Variants in CDH13 observed in about 807,000 individuals in gnomAD.
CDH13 encodes cadherin-13.
Under a neutral mutation model 63.8 loss-of-function variants are expected in CDH13, and 24 were observed. The ratio of observed to expected loss-of-function variants is 0.38; its 90% confidence interval spans 0.27 to 0.53. The LOEUF (loss-of-function observed/expected upper bound fraction) is 0.53. Ranked by LOEUF, CDH13 falls within the 20% of genes least tolerant of loss-of-function variation. CDH13 has a pLI of 0.85. For missense variants in CDH13, 1,049 were observed against 903.1 expected, an observed-to-expected ratio of 1.16 and a Z score of -2.07; for synonymous variants, 503 against 355.3, an observed-to-expected ratio of 1.42 and a Z score of -4.67.
At chr16:82,690,025 A>C (rs865941223) in intron 1 of CDH13, among the ~76,000 whole-genome samples, 8 of 139,126 alleles carry the variant, frequency 5.8e-5, no homozygotes, top group African/African-American at 2.1e-4. Flanking sequence ...AAAATTAGCC[A>C]GGCATGGTGT....
intron 6 of CDH13, among the ~76,000 whole-genome samples, chr16:83,376,901 A>T (rs1237194573): frequency 6.6e-6 from 1 of 152,172 alleles, no homozygotes; most frequent in Non-Finnish European, 1.5e-5. Context: ...GTTCACTCTG[A>T]TAGAAGCCAG....
intron 1 of CDH13, among the ~76,000 whole-genome samples, chr16:82,697,812 A>G (rs556146648): frequency 1.4e-4 from 21 of 152,196 alleles, no homozygotes; most frequent in Non-Finnish European, 2.6e-4. Context: ...AATTCAAAAC[A>G]TAGCCAAATG....
intron 7 of CDH13, among the ~76,000 whole-genome samples, chr16:83,525,089 G>C (rs1437562780): frequency 6.6e-6 from 1 of 152,132 alleles, no homozygotes; most frequent in African/African-American, 2.4e-5. Context: ...CAATTTACTT[G>C]TAATGAAAAC....
At chr16:83,447,551 A>C (rs2072746256) in intron 6 of CDH13, among the ~76,000 whole-genome samples, 1 of 152,186 alleles carries the variant, frequency 6.6e-6, no homozygotes, top group East Asian at 1.9e-4. Flanking sequence ...GTGCTGTTTG[A>C]GCTGGGCGGG....
At chr16:82,635,884 A>G (rs1384542875) in intron 1 of CDH13, among the ~76,000 whole-genome samples, 1 of 151,994 alleles carries the variant, frequency 6.6e-6, no homozygotes, top group African/African-American at 2.4e-5. Flanking sequence ...AGTGTATAGC[A>G]CTTCCCCCTT....
intron 1 of CDH13, chr16:82,719,417 G>A (rs1279582417): frequency 6.6e-6 from 3 of 455,996 alleles, no homozygotes; most frequent in African/African-American, 6.0e-5. Context: ...GCTGTCCAAT[G>A]GCTTGGAGTC....
intron 5 of CDH13, among the ~76,000 whole-genome samples, chr16:83,316,347 G>A (rs535736664): frequency 3.1e-4 from 47 of 152,268 alleles, no homozygotes; most frequent in African/African-American, 1.1e-3. Flanking sequence ...TTGATACACT[G>A]GCCTAGTGGA....
At chr16:83,263,118 G>A (rs1192612195) in intron 5 of CDH13, among the ~76,000 whole-genome samples, 1 of 152,198 alleles carries the variant, frequency 6.6e-6, no homozygotes, top group South Asian at 2.1e-4. Context: ...AGATGGATGG[G>A]CTGAGTGTGA....
chr16:83,076,671 T>G (rs2032866993), intron 3 of CDH13, among the ~76,000 whole-genome samples: 1 of 152,028 alleles, frequency 6.6e-6, no homozygotes, highest in African/African-American at 2.4e-5. Context: ...CCTCTATACA[T>G]CCACCTTACT....
At chr16:82,893,284 A>G (rs1322575836) in intron 2 of CDH13, among the ~76,000 whole-genome samples, 1 of 152,248 alleles carries the variant, frequency 6.6e-6, no homozygotes, top group African/African-American at 2.4e-5. Flanking sequence ...TTTGATAGAC[A>G]TGGCTTAAAA....
intron 5 of CDH13, among the ~76,000 whole-genome samples, chr16:83,244,332 G>A (rs1904770947): frequency 6.6e-6 from 1 of 152,124 alleles, no homozygotes. Context: ...TACTGTGTGT[G>A]AAGCAGTATA....
In CDH13 at chr16:83,782,081, A is replaced by G. The variant is rs893073347; in HGVS notation, c.1916-1173A>G. The stretch of plus-strand genomic sequence containing the variant: ...TTCTGGTAATGATCATGCTTCATGT[A>G]TTTTTATTTCCCTGTCATTACTCTC... On this transcript the variant is annotated intron_variant, in intron 12 of 13. Transcript: ENST00000567109. Among the ~76,000 whole-genome samples the G allele has an allele frequency of 4.6e-5, 7 of 151,968 alleles. No homozygotes were observed. In the East Asian group the frequency reaches 7.7e-4, roughly 17 times the overall value.
At chr16:83,614,085 C>G (rs921369825) in intron 8 of CDH13, among the ~76,000 whole-genome samples, 1 of 152,026 alleles carries the variant, frequency 6.6e-6, no homozygotes, top group Non-Finnish European at 1.5e-5. Context: ...GCCTGGCATA[C>G]CTAGGAATTT....
chr16:83,377,755 G>A (rs1016776952), intron 6 of CDH13, among the ~76,000 whole-genome samples: 1 of 152,150 alleles, frequency 6.6e-6, no homozygotes, highest in Non-Finnish European at 1.5e-5. Flanking sequence ...TGTTTTGGGA[G>A]TCAATAGAAT....
chr16:83,575,399 G>A (rs913843821), intron 7 of CDH13, among the ~76,000 whole-genome samples: 4 of 152,080 alleles, frequency 2.6e-5, no homozygotes, highest in Admixed American at 2.0e-4. Flanking sequence ...CAAGTCAACC[G>A]CCTGGTTAAA....
At chr16:83,569,685 C>A (rs1369034701) in intron 7 of CDH13, among the ~76,000 whole-genome samples, 1 of 152,090 alleles carries the variant, frequency 6.6e-6, no homozygotes, top group African/African-American at 2.4e-5. Context: ...GACGTCCAGG[C>A]ATCTAACTCT....
At chr16:83,637,048 CAT>C (rs1174220117) in intron 8 of CDH13, among the ~76,000 whole-genome samples, 2 of 152,166 alleles carry the variant, frequency 1.3e-5, no homozygotes, top group Non-Finnish European at 2.9e-5. Context: ...ATTGGCCATT[CAT>C]ATGTCTTCTC....
At chr16:83,564,995 C>G (rs2075767844) in intron 7 of CDH13, among the ~76,000 whole-genome samples, 1 of 152,080 alleles carries the variant, frequency 6.6e-6, no homozygotes, top group African/African-American at 2.4e-5. Context: ...AATGAAATAC[C>G]AAACAGGACC....
At chr16:83,243,326 G>T (rs1408202933) in intron 5 of CDH13, among the ~76,000 whole-genome samples, 1 of 152,206 alleles carries the variant, frequency 6.6e-6, no homozygotes, top group African/African-American at 2.4e-5. Context: ...ATGGTGGAAG[G>T]TGAGAGGCAC....
Sources: allele counts gnomAD v4.1 joint callset (sites outside exome capture counted in the v4.1 genomes callset), GRCh38; gene constraint gnomAD v4.1.1; transcripts MANE v1.5; gene names NCBI Gene and HGNC (gene_info 2026-07-23, HGNC 2026-07-21).